The following COP1 variants were observed in gnomAD, a reference collection of about 807,000 sequenced individuals.
COP1 encodes the protein E3 ubiquitin-protein ligase COP1.
A neutral mutation model predicts 101.3 loss-of-function variants in COP1; 24 were observed. The observed-to-expected ratio is 0.24, with a 90% confidence interval of 0.17 to 0.33. The LOEUF (loss-of-function observed/expected upper bound fraction) is 0.33. COP1 is among the 10% of genes least tolerant of loss of function. COP1 has a pLI of 1.00. For missense variants in COP1, 663 were observed against 906.2 expected, an observed-to-expected ratio of 0.73 and a Z score of 3.45; for synonymous variants, 347 against 341.9, an observed-to-expected ratio of 1.01 and a Z score of -0.17.
At chr1:176,017,941 A>G (rs1665966339) in intron 15 of COP1, among the ~76,000 whole-genome samples, 1 of 152,240 alleles carries the variant, frequency 6.6e-6, no homozygotes, top group Non-Finnish European at 1.5e-5. Flanking sequence ...GACAAAAGAG[A>G]GAGCAAGCTA....
rs537553723 is a variant in COP1, at chr1:176,093,838, T to TCAAAACAAAA, written c.1027-7958_1027-7949dup. ...AGGTGACAGAGCGAGAGACTCTGTCTCAAAACAAAACAAAACAAAACAAAA... is the reference window on the plus strand; with the variant it reads ...AGGTGACAGAGCGAGAGACTCTGTCTCAAAACAAAACAAAACAAAACAAAACAAAACAAAA... On this transcript the variant is annotated intron_variant, in intron 9 of 19. Transcript: ENST00000367669. Among the ~76,000 whole-genome samples the TCAAAACAAAA allele has an allele frequency of 5.8e-3, 876 of 150,000 alleles. 7 individuals carry two copies. The highest frequency in any genetic ancestry group is 0.016 in the African/African-American group (654 of 40,630).
At chr1:176,012,252 G>A (rs2148960452) in intron 15 of COP1, among the ~76,000 whole-genome samples, 1 of 152,316 alleles carries the variant, frequency 6.6e-6, no homozygotes, top group African/African-American at 2.4e-5. Context: ...TCCCACCTCA[G>A]CCTTCCAGGC....
At chr1:176,200,674 CAACT>C (rs781653672) in intron 1 of COP1, among the ~76,000 whole-genome samples, 3 of 151,656 alleles carry the variant, frequency 2.0e-5, no homozygotes, top group Non-Finnish European at 2.9e-5. Flanking sequence ...AATGAAAGGA[CAACT>C]AACATATTTT....
intron 14 of COP1, among the ~76,000 whole-genome samples, chr1:176,030,567 T>G (rs1668494061): frequency 6.6e-6 from 1 of 152,214 alleles, no homozygotes; most frequent in East Asian, 1.9e-4. Flanking sequence ...ATTTTCTCAA[T>G]GCAGTAATCA....
chr1:176,095,878 A>G (rs939403219), intron 9 of COP1, among the ~76,000 whole-genome samples: 1 of 152,188 alleles, frequency 6.6e-6, no homozygotes, highest in Non-Finnish European at 1.5e-5. Flanking sequence ...AAATCTGTTA[A>G]GAATCAGTTC....
chr1:175,955,766 C>CCCCACACACACACACA (rs1553275349), intron 18 of COP1, among the ~76,000 whole-genome samples: 1 of 129,192 alleles, frequency 7.7e-6, no homozygotes, highest in African/African-American at 2.8e-5. Context: ...TAGAGACAAA[C>CCCCACACACACACACA]CACACACACA....
intron 18 of COP1, among the ~76,000 whole-genome samples, chr1:175,980,726 T>C (rs992835408): frequency 2.0e-5 from 3 of 152,100 alleles, no homozygotes; most frequent in African/African-American, 7.2e-5. Context: ...TTGGGGTCAC[T>C]TCTGAAGAGC....
chr1:175,982,270 T>C (rs1656052597), intron 18 of COP1: 2 of 436,434 alleles, frequency 4.6e-6, no homozygotes, highest in Non-Finnish European at 4.6e-6. Flanking sequence ...AGCAAAGATA[T>C]GAAATCAACC....
At chr1:175,947,683 TA>T (rs1381778341) in intron 18 of COP1, among the ~76,000 whole-genome samples, 1 of 152,196 alleles carries the variant, frequency 6.6e-6, no homozygotes, top group African/African-American at 2.4e-5. Flanking sequence ...GAGACAATTT[TA>T]ACATGTTTTT....
intron 9 of COP1, among the ~76,000 whole-genome samples, chr1:176,115,946 T>G (rs1487246218): frequency 5.9e-5 from 9 of 152,164 alleles, no homozygotes; most frequent in Non-Finnish European, 8.8e-5. Flanking sequence ...GGAAAAGCTG[T>G]TAAGTTTCAA....
rs142706759 is a variant in COP1 at position 175,945,813 on chromosome 1, T to C, written c.2179-643A>G. On this transcript the variant is annotated intron_variant, in intron 19 of 19. Coordinates refer to ENST00000367669, the MANE Select transcript of COP1 (RefSeq NM_022457.7). ...ATTAGATGGACACTACAACACTCAC[T>C]AAGTAGCAAATATTTAAACGTGCAA... Among the ~76,000 whole-genome samples the C allele has an allele frequency of 2.6e-3, 400 of 152,316 alleles. 3 individuals are homozygous for C. Among genetic ancestry groups the C allele is most frequent in the African/African-American group, 9.2e-3 (382 of 41,584 alleles).
intron 18 of COP1, among the ~76,000 whole-genome samples, chr1:175,962,007 A>C (rs1396193407): frequency 6.6e-6 from 1 of 152,204 alleles, no homozygotes; most frequent in Non-Finnish European, 1.5e-5. Flanking sequence ...GTAAGCATGT[A>C]AACTGTAGCA....
rs189548105 is a variant in COP1 at position 176,078,922 on chromosome 1, A to T, written c.1277+2230T>A. ...GCATCACTAATCATCAGAGAAATAA[A>T]AATCAAAACCAGGATGAGATACCAT... On this transcript the variant is annotated intron_variant, in intron 11 of 19. Coordinates refer to ENST00000367669, the MANE Select transcript of COP1 (RefSeq NM_022457.7). Among the ~76,000 whole-genome samples, 392 of 152,282 alleles carry T rather than the reference A, an allele frequency of 2.6e-3. 1 individual carries two copies. The highest frequency in any genetic ancestry group is 4.6e-3 in the Admixed American group (70 of 15,290).
chr1:176,049,141 C>T (rs1434754881), intron 11 of COP1, among the ~76,000 whole-genome samples: 2 of 146,706 alleles, frequency 1.4e-5, no homozygotes, highest in Middle Eastern at 3.2e-3. Flanking sequence ...CATTGCAGTC[C>T]GCAGTCCGGC....
In COP1 at chr1:176,056,860, C is replaced by T. The variant is rs144273111; in HGVS notation, c.1278-10536G>A. Among the ~76,000 whole-genome samples, 401 of 152,262 alleles carry T rather than the reference C, an allele frequency of 2.6e-3. 3 individuals are homozygous for T. The highest frequency in any genetic ancestry group is 9.1e-3 in the African/African-American group (380 of 41,548). The stretch of plus-strand genomic sequence containing the variant: ...AGTATTTCTGTCTAGTGACTACAAA[C>T]ACTTTATTAATTACTACAGAAAGAA... On this transcript the variant is annotated intron_variant, in intron 11 of 19. Transcript: ENST00000367669.
chr1:175,994,080 G>T (rs1021115203), intron 15 of COP1, among the ~76,000 whole-genome samples: 5 of 152,222 alleles, frequency 3.3e-5, no homozygotes, highest in East Asian at 1.9e-4. Flanking sequence ...AGAGAGTGGG[G>T]GCCAATATTC....
At chr1:176,204,881 C>A (rs1056441554) in intron 1 of COP1, among the ~76,000 whole-genome samples, 1 of 152,046 alleles carries the variant, frequency 6.6e-6, no homozygotes, top group Non-Finnish European at 1.5e-5. Flanking sequence ...TGAGCCAAGA[C>A]GGTGCCACTG....
chr1:176,046,768 T>C (rs754649293), intron 11 of COP1, among the ~76,000 whole-genome samples: 9 of 152,086 alleles, frequency 5.9e-5, no homozygotes, highest in Admixed American at 2.0e-4. Flanking sequence ...TTTTAATAAA[T>C]AAATTAGTAT....
At position 176,136,564 on chromosome 1, in the gene COP1, G is replaced by T; in HGVS notation, c.832-17C>A. 1.3e-6 allele frequency: 2 copies of T among 1,504,294 alleles called. No individual in the cohort carries two copies. The highest frequency in any genetic ancestry group is 1.3e-5 in the South Asian group (1 of 78,558). 93.2% of individuals were successfully genotyped at this position (1,504,294 alleles called of 1,614,324 possible). ...TTCCAGTTGCTGCAGATTAAATAGA[G>T]AGAGAAAGACAAAAAAAAAAAAGCC... On this transcript the variant is annotated splice_polypyrimidine_tract_variant and intron_variant, in intron 6 of 19. Transcript: ENST00000367669.
Sources: allele counts gnomAD v4.1 joint callset (sites outside exome capture counted in the v4.1 genomes callset), GRCh38; gene constraint gnomAD v4.1.1; transcripts MANE v1.5; gene names NCBI Gene and HGNC (gene_info 2026-07-23, HGNC 2026-07-21).